The following FHDC1 variants were observed in gnomAD, a reference collection of about 807,000 sequenced individuals.
The protein encoded by FHDC1 is FH2 domain-containing protein 1.
FHDC1 carries 25 observed loss-of-function variants against 52.6 expected under a neutral mutation model. That is an observed-to-expected ratio of 0.48 (90% confidence interval 0.35 to 0.66). The LOEUF (loss-of-function observed/expected upper bound fraction) is 0.66. FHDC1 is among the 30% of genes least tolerant of loss of function. FHDC1 has a pLI of 0.01. For synonymous variants in FHDC1, 616 were observed against 581.5 expected, an observed-to-expected ratio of 1.06 and a Z score of -0.85; for missense variants, 1,459 against 1,452.8, an observed-to-expected ratio of 1.00 and a Z score of -0.07.
At chr4:152,943,767 G>A (rs1033454283) in intron 2 of FHDC1, among the ~76,000 whole-genome samples, 11 of 152,118 alleles carry the variant, frequency 7.2e-5, no homozygotes, top group African/African-American at 2.7e-4. Flanking sequence ...CCTCCCAGAC[G>A]CCCTGGTGGA....
chr4:152,975,907 C>T lies in FHDC1; in HGVS notation c.2616C>T (p.Pro872=), dbSNP rs754079532. 5.9e-6 allele frequency: 9 copies of T among 1,514,266 alleles called. No individual in the cohort carries two copies. The highest frequency in any genetic ancestry group is 7.1e-6 in the Non-Finnish European group (8 of 1,133,778). 93.8% of individuals were successfully genotyped at this position (1,514,266 alleles called of 1,614,324 possible). The change falls in exon 12 of 12, where the codon CCC becomes CCT. Residue 872 remains proline, a synonymous_variant. Coordinates refer to ENST00000511601, the MANE Select transcript of FHDC1 (RefSeq NM_001371116.1). ...PKRGSLKEAS[P]GASKPGSARR... is the part of the protein sequence containing the mutation. Reference sequence around the variant, plus strand: ...GAGGCTCCCTGAAAGAGGCGTCTCCCGGGGCCTCCAAGCCCGGGAGCGCCC... The same window carrying T: ...GAGGCTCCCTGAAAGAGGCGTCTCCTGGGGCCTCCAAGCCCGGGAGCGCCC...
At chr4:152,930,399 A>C in the FHDC1 span, among the ~76,000 whole-genome samples, 1 of 152,184 alleles carries the variant, frequency 6.6e-6, no homozygotes, top group Non-Finnish European at 1.5e-5. Flanking sequence ...CACTAGATAA[A>C]AGGTTGAATA....
chr4:152,965,029 A>G, intron 9 of FHDC1, 54 bp downstream of exon 9: 2 of 1,489,506 alleles, frequency 1.3e-6, no homozygotes, highest in South Asian at 2.5e-5. Context: ...ATGAAAACTG[A>G]TAAATAGTTA....
At chr4:152,961,320 G>A (rs1178838845) in intron 6 of FHDC1, among the ~76,000 whole-genome samples, 3 of 152,110 alleles carry the variant, frequency 2.0e-5, no homozygotes, top group Non-Finnish European at 4.4e-5. Flanking sequence ...CTTCTGCCAG[G>A]GTTCCTGACG....
chr4:152,954,250 A>G lies in FHDC1; in HGVS notation c.594A>G (p.Gln198=). The change falls in exon 4 of 12, where the codon CAA becomes CAG. Residue 198 remains glutamine (Q), a synonymous_variant. Coordinates refer to ENST00000511601, the MANE Select transcript of FHDC1 (RefSeq NM_001371116.1). ...GGTCCATTGTAGAAGATATTCATCA[A>G]GGAAAAAGTGAGCATTATGGATCAG... is the stretch of plus-strand genomic sequence containing the variant. ...SPRSIVEDIH[Q]GKSEHYGSET... is the part of the protein sequence containing the mutation. 1 of 1,614,200 alleles carries G rather than the reference A, an allele frequency of 6.2e-7. No individual in the cohort carries two copies. The highest frequency in any genetic ancestry group is 2.2e-5 in the East Asian group (1 of 44,886).
chr4:152,943,221 C>T lies in FHDC1; in HGVS notation c.164C>T (p.Pro55Leu). 3 of 1,610,208 alleles carry T rather than the reference C, an allele frequency of 1.9e-6. No homozygotes were observed. The highest frequency in any genetic ancestry group is 2.5e-6 in the Non-Finnish European group (3 of 1,178,108). The change falls in exon 2 of 12, where the codon CCT becomes CTT. Residue 55 changes from proline to leucine, a missense_variant. Physicochemically the swap from Pro to Leu is moderately conservative, Grantham distance 98 (BLOSUM62 -3). This residue lies in a region of FHDC1 where 513 missense variants were observed against 581.5 expected (regional missense o/e 0.88). Coordinates refer to ENST00000511601, the MANE Select transcript of FHDC1 (RefSeq NM_001371116.1). ...PPCSCSREEC[P>L]SSPPPPPPPP... is the part of the protein sequence containing the mutation. ...TGTTCATGTTCAAGGGAAGAGTGTC[C>T]TTCCTCCCCTCCTCCACCCCCACCA...
At chr4:152,939,206 A>G (rs1739505254) in intron 1 of FHDC1, among the ~76,000 whole-genome samples, 1 of 152,048 alleles carries the variant, frequency 6.6e-6, no homozygotes, top group Admixed American at 6.6e-5. Flanking sequence ...CAGCCTCCCA[A>G]GTAGCTGGGA....
chr4:152,923,573 A>G, the FHDC1 span, among the ~76,000 whole-genome samples: 24 of 152,226 alleles, frequency 1.6e-4, no homozygotes, highest in African/African-American at 5.8e-4. Context: ...CCAAAAGAAC[A>G]AAGCTGGAGG....
chr4:152,961,461 G>A (rs891723464), intron 6 of FHDC1, among the ~76,000 whole-genome samples: 9 of 152,184 alleles, frequency 5.9e-5, no homozygotes, highest in African/African-American at 2.2e-4. Flanking sequence ...TGCCCAGCTT[G>A]GATAGCCTCT....
chr4:152,976,513 C>T lies in FHDC1; in HGVS notation c.3222C>T (p.Asp1074=), dbSNP rs1561218159. ...VSQRQLRVKG[D]PEDAAPKDSS... Reference sequence around the variant, plus strand: ...AGCGGCAGCTGAGGGTGAAAGGGGACCCCGAGGATGCCGCTCCCAAGGACA... The same window carrying T: ...AGCGGCAGCTGAGGGTGAAAGGGGATCCCGAGGATGCCGCTCCCAAGGACA... Residue 1074 remains aspartate, a synonymous_variant, in exon 12 of 12, where the codon GAC becomes GAT. Coordinates refer to ENST00000511601, the MANE Select transcript of FHDC1 (RefSeq NM_001371116.1). 1 of 1,613,172 alleles carries T rather than the reference C, an allele frequency of 6.2e-7. No individual in the cohort carries two copies. The highest frequency in any genetic ancestry group is 1.7e-5 in the Admixed American group (1 of 60,012).
chr4:152,936,125 C>A (rs1483468741), upstream of FHDC1, among the ~76,000 whole-genome samples: 1 of 151,962 alleles, frequency 6.6e-6, no homozygotes, highest in Non-Finnish European at 1.5e-5. Context: ...CGGGGCCCCG[C>A]GCAGGTGAAG....
the FHDC1 span, among the ~76,000 whole-genome samples, chr4:152,922,487 A>G: frequency 1.3e-5 from 2 of 151,674 alleles, no homozygotes; most frequent in Non-Finnish European, 3.0e-5. Context: ...AAAAGAGGGA[A>G]TCCTCCCTAA....
At chr4:152,935,519 C>T (rs1474520663), upstream of FHDC1, among the ~76,000 whole-genome samples, 1 of 152,156 alleles carries the variant, frequency 6.6e-6, no homozygotes, top group East Asian at 1.9e-4. Flanking sequence ...GTGCCTTTCC[C>T]AGACAGCGTG....
Position 152,960,199 on chromosome 4 carries a change from G to T in FHDC1, c.664-366G>T, listed in dbSNP as rs572360593. On this transcript the variant is annotated intron_variant, in intron 4 of 11. Transcript: ENST00000511601. ...ACAGTCTTTTATTTCTTCTCCCAAT[G>T]ATCTCATTTCCAGATTATTGCTTAC... is the stretch of plus-strand genomic sequence containing the variant. Among the ~76,000 whole-genome samples the T allele has an allele frequency of 2.6e-5, 4 of 152,058 alleles. No individual in the cohort carries two copies. The East Asian group carries it at 7.7e-4, about 29-fold the overall frequency.
rs1466066288 is a variant in FHDC1 at position 152,979,615 on chromosome 4, T to C, written c.*2892T>C. On this transcript the variant is annotated 3_prime_UTR_variant, in exon 12 of 12. Transcript: ENST00000511601. ...AAAATAAACTGAATGTATTTAATGG[T>C]CCATTTATATGTTCTTTTATGTAAC... 1.3e-5 allele frequency: 2 copies of C among 152,264 alleles called. No individual in the cohort carries two copies. The highest frequency in any genetic ancestry group is 3.8e-4 in the East Asian group (2 of 5,204). The allele number at this position is 152,264 out of a possible 1,614,324, so 9.4% of individuals were successfully genotyped here. A position where few individuals can be genotyped will look rare whatever the true frequency, so the allele number is the denominator to read the frequency against.
intron 2 of FHDC1, among the ~76,000 whole-genome samples, chr4:152,947,557 G>A (rs1739772241): frequency 6.6e-6 from 1 of 152,166 alleles, no homozygotes; most frequent in African/African-American, 2.4e-5. Context: ...AGTTTGACCA[G>A]CTCTTAAGGG....
chr4:152,919,662 T>C, the FHDC1 span, among the ~76,000 whole-genome samples: 1 of 152,240 alleles, frequency 6.6e-6, no homozygotes, highest in African/African-American at 2.4e-5. Flanking sequence ...ACAGTTGAAG[T>C]GGCAGAATTC....
intron 4 of FHDC1, among the ~76,000 whole-genome samples, chr4:152,958,226 A>G (rs1483721430): frequency 5.9e-5 from 9 of 152,168 alleles, no homozygotes; most frequent in African/African-American, 2.2e-4. Context: ...CTGTTAGGAC[A>G]GCAACCAGGC....
At chr4:152,913,504 A>G in the FHDC1 span, among the ~76,000 whole-genome samples, 1 of 152,210 alleles carries the variant, frequency 6.6e-6, no homozygotes. Context: ...AATAAAAGTA[A>G]ATTATCTGAG....
Sources: allele counts gnomAD v4.1 joint callset (sites outside exome capture counted in the v4.1 genomes callset), GRCh38; gene constraint gnomAD v4.1.1; regional missense constraint gnomAD v4.1.1; transcripts MANE v1.5; gene names NCBI Gene and HGNC (gene_info 2026-07-23, HGNC 2026-07-21).